UBE3B: variants seen among roughly 807,000 people sequenced by gnomAD.
UBE3B encodes the protein ubiquitin-protein ligase E3B.
Under a neutral mutation model 132.3 loss-of-function variants are expected in UBE3B, and 80 were observed. The observed-to-expected ratio is 0.60, with a 90% CI of 0.50 to 0.73. The LOEUF (loss-of-function observed/expected upper bound fraction) is 0.73, where lower values mean the gene tolerates loss of function less well. UBE3B is among the 30% of genes least tolerant of loss of function. The probability of loss-of-function intolerance (pLI) is 0.00; values close to 1 mark genes in which losing one functional copy is unlikely to be tolerated. For synonymous variants in UBE3B, 487 were observed against 520.4 expected (o/e 0.94, Z 0.87); for missense variants, 1,196 against 1,362.5 (o/e 0.88, Z 1.92).
At chr12:109,525,371 T>C (rs1289300361) in intron 23 of UBE3B, among the ~76,000 whole-genome samples, 2 of 152,230 alleles carry the variant, frequency 1.3e-5, no homozygotes, top group African/African-American at 4.8e-5. Context: ...GAAAGAATGC[T>C]GTCTCGCAGG....
downstream of UBE3B, among the ~76,000 whole-genome samples, chr12:109,537,960 C>G (rs1395328227): frequency 2.0e-5 from 3 of 152,202 alleles, no homozygotes; most frequent in Non-Finnish European, 2.9e-5. Context: ...CTCGGCCTCC[C>G]AAAGTGCTGG....
At chr12:109,487,233 A>G (rs1248290587) in intron 6 of UBE3B, among the ~76,000 whole-genome samples, 1 of 152,160 alleles carries the variant, frequency 6.6e-6, no homozygotes, top group Non-Finnish European at 1.5e-5. Context: ...GGAATGGGGT[A>G]CTGCCACTAG....
rs746405663 is a variant in UBE3B, at chr12:109,497,940, A to T, written c.819+17A>T. On this transcript the variant is annotated intron_variant, in intron 10 of 27. Transcript: ENST00000342494. ...ACCCCTGAGGTAAGCAGGCTCTGTG[A>T]GTTCCCCGTGAAAACCCAATTGTGT... The T allele has an allele frequency of 6.2e-7, 1 of 1,612,112 alleles. No homozygotes were observed. The highest frequency in any genetic ancestry group is 8.5e-7 in the Non-Finnish European group (1 of 1,178,478).
chr12:109,516,721 A>C, intron 18 of UBE3B, 44 bp from the exon 19 acceptor site: 1 of 1,595,700 alleles, frequency 6.3e-7, no homozygotes, highest in South Asian at 1.1e-5. Flanking sequence ...TGGAATCGTC[A>C]GTTTGCTGAC....
intron 9 of UBE3B, 123 bp downstream of exon 9, chr12:109,491,250 G>A: frequency 1.2e-6 from 1 of 840,552 alleles, no homozygotes; most frequent in Non-Finnish European, 1.8e-6. Flanking sequence ...TTTATGGGAA[G>A]CATTGTTCTT....
chr12:109,520,083 G>A (rs1566105774), intron 19 of UBE3B: 1 of 152,286 alleles, frequency 6.6e-6, no homozygotes, highest in Non-Finnish European at 1.5e-5. Flanking sequence ...TGTTACAGTT[G>A]TAGCTGAAAG....
chr12:109,540,634 T>C (rs1170899594), downstream of UBE3B, among the ~76,000 whole-genome samples: 2 of 152,242 alleles, frequency 1.3e-5, no homozygotes, highest in African/African-American at 4.8e-5. Flanking sequence ...GGCACATGGA[T>C]GTTTAAAAAA....
In UBE3B at chr12:109,490,628, C is replaced by T. The variant is rs1045294298; in HGVS notation, c.631-417C>T. ...TCTACTTCATACCATAATTAAACGG[C>T]TTCTAAAATAATATGATGTCTTTAA... On this transcript the variant is annotated intron_variant, in intron 8 of 27. Transcript: ENST00000342494. 8.5e-6 allele frequency: 13 copies of T among 1,529,888 alleles called. No homozygotes were observed. In the African/African-American group the frequency reaches 1.4e-4, roughly 16 times the overall value. 94.8% of individuals were successfully genotyped at this position (1,529,888 alleles called of 1,614,324 possible).
downstream of UBE3B, among the ~76,000 whole-genome samples, chr12:109,539,431 C>T (rs1409642618): frequency 1.3e-5 from 2 of 152,174 alleles, no homozygotes; most frequent in Non-Finnish European, 2.9e-5. Context: ...TTAGAGAGAG[C>T]AAGAGCCTCA....
rs114379149 is a variant in UBE3B, at chr12:109,521,341, A to G, written c.2253+17A>G. The G allele has an allele frequency of 2.5e-6, 4 of 1,608,690 alleles. No individual in the cohort carries two copies. The African/African-American group carries it at 5.3e-5, about 21-fold the overall frequency. On this transcript the variant is annotated intron_variant, in intron 20 of 27. Transcript: ENST00000342494. The surrounding 1 kb of genome is among the most constrained non-coding windows in gnomAD (Gnocchi z 4.2). ...CTGTTCAAGGTATTTAAGGGGAGCA[A>G]CAGCAGGGCTGACAGCAGCCAGATT...
rs534365751 is a variant in UBE3B, at chr12:109,512,282, G to A, written c.1956+979G>A. ...CGAGGTGGTTGGGGAGTCAGACGGA[G>A]TGAGAAGTCCAGGGCACTGAGGCAG... On this transcript the variant is annotated intron_variant, in intron 18 of 27. Coordinates refer to ENST00000342494, the MANE Select transcript of UBE3B (RefSeq NM_130466.4). Among the ~76,000 whole-genome samples, 6 of 152,294 alleles carry A rather than the reference G, an allele frequency of 3.9e-5. No homozygotes were observed. The East Asian group carries it at 1.2e-3, about 29-fold the overall frequency.
chr12:109,517,197 C>T (rs1237326680), intron 19 of UBE3B, among the ~76,000 whole-genome samples: 1 of 152,186 alleles, frequency 6.6e-6, no homozygotes. Flanking sequence ...ACAGCGGCTG[C>T]ACTAACACTC....
chr12:109,546,667 G>T, the UBE3B span, among the ~76,000 whole-genome samples: 29 of 152,282 alleles, frequency 1.9e-4, no homozygotes, highest in African/African-American at 6.5e-4. Context: ...AAATATTTTT[G>T]GGCACCTGCT....
chr12:109,533,552 C>T lies in UBE3B; in HGVS notation c.3009C>T (p.Asp1003=), dbSNP rs369171639. 29 of 1,613,166 alleles carry T rather than the reference C, an allele frequency of 1.8e-5. No individual in the cohort carries two copies. The East Asian group carries it at 2.0e-4, about 11-fold the overall frequency. The change falls in exon 27 of 28, where the codon GAC becomes GAT. Residue 1003 remains aspartate, a synonymous_variant. Transcript: ENST00000342494. ...CCATCCGCTGCGTGGAGGTGTCGGA[C>T]GATCAGGTACCCCCACGGGGTGGGT... ...PFSIRCVEVS[D]DQDTGDTLGS...
intron 18 of UBE3B, among the ~76,000 whole-genome samples, chr12:109,516,268 T>C (rs951128580): frequency 6.7e-6 from 1 of 149,222 alleles, no homozygotes; most frequent in African/African-American, 2.5e-5. Flanking sequence ...GCCTCCTGGG[T>C]TCAAGTGATT....
rs1052438621 is a variant in UBE3B, at chr12:109,536,581, G to T, written c.*1799G>T. ...AACACTGAATCTCCTTTTGTAACTG[G>T]TGTTCACTGACACCTTGATGGCTCT... On this transcript the variant is annotated 3_prime_UTR_variant, in exon 28 of 28. Coordinates refer to ENST00000342494, the MANE Select transcript of UBE3B (RefSeq NM_130466.4). 1.3e-5 allele frequency: 2 copies of T among 152,192 alleles called. No homozygotes were observed. Among genetic ancestry groups the T allele is most frequent in the African/African-American group, 4.8e-5 (2 of 41,432 alleles). The allele number at this position is 152,192 out of a possible 1,614,324, so 9.4% of individuals were successfully genotyped here.
chr12:109,515,221 T>G (rs1880884742), intron 18 of UBE3B, among the ~76,000 whole-genome samples: 1 of 152,018 alleles, frequency 6.6e-6, no homozygotes, highest in Admixed American at 6.6e-5. Flanking sequence ...CCCATCCCCT[T>G]TCTTCTTAAG....
the UBE3B span, among the ~76,000 whole-genome samples, chr12:109,544,813 A>G: frequency 6.6e-6 from 1 of 152,196 alleles, no homozygotes; most frequent in Non-Finnish European, 1.5e-5. Context: ...ATTTCTCCAT[A>G]ACGCTGGTCG....
At chr12:109,480,612 C>G (rs549737612) in intron 1 of UBE3B, among the ~76,000 whole-genome samples, 1 of 151,640 alleles carries the variant, frequency 6.6e-6, no homozygotes, top group East Asian at 1.9e-4. Context: ...GATTGCACCA[C>G]TGCACTCCAG....
Sources: gnomAD v4.1 joint callset for allele counts (sites outside exome capture counted in the v4.1 genomes callset) on GRCh38, gnomAD v4.1.1 for gene constraint, Gnocchi (gnomAD v3.1) non-coding constraint, MANE v1.5 for transcripts, NCBI Gene and HGNC (gene_info 2026-07-23, HGNC 2026-07-21) for gene names.